Variants in LCLAT1 observed in about 807,000 individuals in gnomAD.
LCLAT1 encodes the protein 1-AGP acyltransferase 8.
Under a neutral mutation model 30.7 loss-of-function variants are expected in LCLAT1, and 11 were observed. The ratio of observed to expected loss-of-function variants is 0.36; its 90% confidence interval spans 0.23 to 0.59. The LOEUF (loss-of-function observed/expected upper bound fraction) is 0.59, where lower values mean the gene tolerates loss of function less well. Ranked by LOEUF, LCLAT1 falls within the 20% of genes least tolerant of loss-of-function variation. The pLI is 0.77. For missense variants in LCLAT1, 402 were observed against 458.6 expected, an observed-to-expected ratio of 0.88 and a Z score of 1.13; for synonymous variants, 155 against 151.3, an observed-to-expected ratio of 1.02 and a Z score of -0.18.
intron 4 of LCLAT1, among the ~76,000 whole-genome samples, chr2:30,566,670 A>G (rs751470903): frequency 6.6e-6 from 1 of 152,214 alleles, no homozygotes; most frequent in Non-Finnish European, 1.5e-5. Flanking sequence ...CAATTTCGGA[A>G]TGCAGCTGAG....
intron 5 of LCLAT1, among the ~76,000 whole-genome samples, chr2:30,619,226 A>G (rs774770704): frequency 2.0e-5 from 3 of 152,182 alleles, no homozygotes; most frequent in Non-Finnish European, 2.9e-5. Context: ...ACTTATAGAC[A>G]CTAGAACTAG....
intron 3 of LCLAT1, among the ~76,000 whole-genome samples, chr2:30,559,053 C>T (rs1665072048): frequency 1.3e-5 from 2 of 152,146 alleles, no homozygotes; most frequent in African/African-American, 2.4e-5. Context: ...AATACTGCCA[C>T]ACAACATGGA....
In LCLAT1 at chr2:30,631,355, C is replaced by G. The variant is rs138689253; in HGVS notation, c.629-8762C>G. 6.3e-3 allele frequency among the ~76,000 whole-genome samples: 961 copies of G among 152,244 alleles called. 19 individuals are homozygous for G. Among genetic ancestry groups the G allele is most frequent in the Non-Finnish European group, 5.2e-3 (353 of 68,026 alleles). On this transcript the variant is annotated intron_variant, in intron 5 of 5. Transcript: ENST00000379509. ...TAGTGAACTTATTCCTGAACCAGTC[C>G]CCAGTAACGGATATAGGGTTGCCAT...
chr2:30,469,835 C>T (rs1338444935), intron 1 of LCLAT1, among the ~76,000 whole-genome samples: 1 of 152,050 alleles, frequency 6.6e-6, no homozygotes, highest in Non-Finnish European at 1.5e-5. Flanking sequence ...CCTCATGATC[C>T]ACCTGCTTCG....
At chr2:30,485,320 A>T (rs1315414178) in intron 1 of LCLAT1, among the ~76,000 whole-genome samples, 1 of 152,186 alleles carries the variant, frequency 6.6e-6, no homozygotes, top group African/African-American at 2.4e-5. Flanking sequence ...GAAGCACTAC[A>T]CTAGGCTTCC....
chr2:30,535,303 C>T (rs1005590332), intron 3 of LCLAT1, among the ~76,000 whole-genome samples: 1 of 152,152 alleles, frequency 6.6e-6, no homozygotes, highest in Non-Finnish European at 1.5e-5. Flanking sequence ...TTCCCTTCTG[C>T]CCTCCTGTCT....
chr2:30,504,080 A>AGTG (rs1684534396), intron 1 of LCLAT1, among the ~76,000 whole-genome samples: 1 of 73,482 alleles, frequency 1.4e-5, no homozygotes, highest in Non-Finnish European at 3.5e-5. Context: ...TAAGGGACTT[A>AGTG]CGTGTGTGTG....
chr2:30,561,025 T>G (rs961835017), intron 3 of LCLAT1, among the ~76,000 whole-genome samples: 4 of 91,990 alleles, frequency 4.3e-5, no homozygotes, highest in Non-Finnish European at 8.2e-5. Context: ...TACTGCAACC[T>G]CTGCCCCCCG....
chr2:30,571,862 A>G (rs1461806575), intron 5 of LCLAT1, among the ~76,000 whole-genome samples: 1 of 152,172 alleles, frequency 6.6e-6, no homozygotes, highest in African/African-American at 2.4e-5. Flanking sequence ...CATTTCCTCA[A>G]TTTTGGAAAT....
intron 5 of LCLAT1, among the ~76,000 whole-genome samples, chr2:30,620,864 G>GAGA (rs143605053): frequency 0.013 from 2,038 of 152,260 alleles, 35 homozygotes; most frequent in African/African-American, 0.046. Context: ...GGCTCTAGGG[G>GAGA]AGAATCCTTC....
chr2:30,616,057 A>G lies in LCLAT1; in HGVS notation c.629-24060A>G, dbSNP rs765000501. Among the ~76,000 whole-genome samples the G allele has an allele frequency of 4.6e-5, 7 of 152,198 alleles. No homozygotes were observed. In the South Asian group the frequency reaches 6.2e-4, roughly 14 times the overall value. ...CAGTTTACCCAGGCCAGTTTCATCT[A>G]TAAGAACTGTGCATGTGTAATTAGA... On this transcript the variant is annotated intron_variant, in intron 5 of 5. Transcript: ENST00000379509.
intron 3 of LCLAT1, among the ~76,000 whole-genome samples, chr2:30,559,490 G>A (rs754441028): frequency 2.0e-5 from 3 of 152,140 alleles, no homozygotes; most frequent in Non-Finnish European, 4.4e-5. Context: ...TTTTGCAGGT[G>A]TACTTTTGAT....
At chr2:30,637,920 C>T (rs944155543) in intron 5 of LCLAT1, among the ~76,000 whole-genome samples, 4 of 152,176 alleles carry the variant, frequency 2.6e-5, no homozygotes, top group South Asian at 2.1e-4. Context: ...GGCCTAGTCT[C>T]TCTTCAAATA....
chr2:30,462,259 G>T (rs1169417490), intron 1 of LCLAT1, among the ~76,000 whole-genome samples: 3 of 152,110 alleles, frequency 2.0e-5, no homozygotes, highest in Non-Finnish European at 4.4e-5. Context: ...TTTCTTGGAT[G>T]GGGCACTCAG....
intron 5 of LCLAT1, among the ~76,000 whole-genome samples, chr2:30,572,131 T>C (rs1397963163): frequency 6.6e-6 from 1 of 152,206 alleles, no homozygotes; most frequent in Non-Finnish European, 1.5e-5. Flanking sequence ...CTTTAGACCA[T>C]AAAGGGAATT....
chr2:30,573,178 T>C lies in LCLAT1; in HGVS notation c.628+5002T>C, dbSNP rs1665858194. On this transcript the variant is annotated intron_variant, in intron 5 of 5. Coordinates refer to ENST00000379509, the MANE Select transcript of LCLAT1 (RefSeq NM_001002257.3). ...TCATTGTTGGCCCGCCCCCCTCTGC[T>C]TTTCACATGCTGTGAAATCCCAAAC... Among the ~76,000 whole-genome samples the C allele has an allele frequency of 2.0e-5, 3 of 152,230 alleles. No individual in the cohort carries two copies. In the South Asian group the frequency reaches 6.2e-4, roughly 32 times the overall value.
chr2:30,494,618 A>G (rs1017553903), intron 1 of LCLAT1, among the ~76,000 whole-genome samples: 7 of 151,978 alleles, frequency 4.6e-5, no homozygotes, highest in Non-Finnish European at 7.4e-5. Context: ...GTGTATGCAT[A>G]CATGTATGTA....
chr2:30,458,546 C>A (rs1197778066), intron 1 of LCLAT1, among the ~76,000 whole-genome samples: 1 of 152,090 alleles, frequency 6.6e-6, no homozygotes, highest in Non-Finnish European at 1.5e-5. Flanking sequence ...GAGGGAGGAA[C>A]TGGAATGATG....
At position 30,643,802 on chromosome 2, in the gene LCLAT1, C is replaced by A. The variant is rs1349357015; in HGVS notation, c.*3183C>A. The A allele has an allele frequency of 6.6e-6, 1 of 152,582 alleles. No homozygotes were observed. Among genetic ancestry groups the A allele is most frequent in the African/African-American group, 2.4e-5 (1 of 41,416 alleles). The allele number at this position is 152,582 out of a possible 1,614,324, so 9.5% of individuals were successfully genotyped here. On this transcript the variant is annotated 3_prime_UTR_variant, in exon 6 of 6. Transcript: ENST00000379509. ...CTTTCTGTTTCTTGTTCCAAGGATT[C>A]TGTAGTATGTAGTGTGTTTCTTAGG...
Sources: gnomAD v4.1 joint callset for allele counts (sites outside exome capture counted in the v4.1 genomes callset) on GRCh38, gnomAD v4.1.1 for gene constraint, MANE v1.5 for transcripts, NCBI Gene and HGNC (gene_info 2026-07-23, HGNC 2026-07-21) for gene names.